Variants in DDX25 observed in about 807,000 individuals in gnomAD.
The protein encoded by DDX25 is DEAD-box helicase 25, also known as ATP-dependent RNA helicase DDX25.
DDX25 carries 70 observed loss-of-function variants against 64.6 expected under a neutral mutation model. That is an observed-to-expected ratio of 1.08 (90% confidence interval 0.89 to 1.32). DDX25 has a LOEUF of 1.32. DDX25 is among the 40% of genes most tolerant of loss of function. The probability of loss-of-function intolerance (pLI) is 0.00; values close to 1 mark genes in which losing one functional copy is unlikely to be tolerated. For synonymous variants in DDX25, 211 were observed against 213.3 expected, an observed-to-expected ratio of 0.99 and a Z score of 0.09; for missense variants, 587 against 604.4, an observed-to-expected ratio of 0.97 and a Z score of 0.30.
intron 4 of DDX25, 48 bp from the exon 5 acceptor site, chr11:125,908,148 C>T: frequency 6.8e-7 from 1 of 1,467,288 alleles, no homozygotes; most frequent in Non-Finnish European, 9.3e-7. Context: ...ATTTCTGATG[C>T]TACTGACCAA....
In DDX25 at chr11:125,917,055, C is replaced by A; in HGVS notation, c.842C>A (p.Thr281Asn). The change falls in exon 9 of 12, where the codon ACC (threonine) becomes AAC (asparagine). Residue 281 changes from threonine (T) to asparagine (N), a missense_variant. By Grantham distance (65) the Thr-to-Asn change is moderately conservative. Coordinates refer to ENST00000263576, the MANE Select transcript of DDX25 (RefSeq NM_013264.5). ...SECQMLLFSA[T>N]FEDSVWHFAE... ...TGCCAAATGCTCCTCTTTTCAGCAA[C>A]CTTTGAGGACTCTGTGTGGCACTTT... 1.2e-6 allele frequency: 2 copies of A among 1,608,140 alleles called. No individual in the cohort carries two copies. Among genetic ancestry groups the A allele is most frequent in the Non-Finnish European group, 1.7e-6 (2 of 1,177,614 alleles).
At chr11:125,913,223 C>T (rs1422707622) in intron 8 of DDX25, among the ~76,000 whole-genome samples, 5 of 151,746 alleles carry the variant, frequency 3.3e-5, no homozygotes, top group Admixed American at 3.3e-4. Flanking sequence ...TCCCTCTCTC[C>T]AGCTTCAGTC....
intron 8 of DDX25, among the ~76,000 whole-genome samples, chr11:125,914,339 T>C (rs1466337039): frequency 6.6e-6 from 1 of 152,204 alleles, no homozygotes; most frequent in Non-Finnish European, 1.5e-5. Flanking sequence ...TCTGTTCTCT[T>C]TTCTGGGGGA....
chr11:125,917,036 A>G lies in DDX25; in HGVS notation c.823A>G (p.Met275Val). 6.2e-7 allele frequency: 1 copy of G among 1,602,056 alleles called. No individual in the cohort carries two copies. The highest frequency in any genetic ancestry group is 1.3e-5 in the African/African-American group (1 of 74,916). The stretch of plus-strand genomic sequence containing the variant: ...CAGAGCTCTACCCTCCGAATGCCAA[A>G]TGCTCCTCTTTTCAGCAACCTTTGA... ...IQRALPSECQ[M>V]LLFSATFEDS... The change falls in exon 9 of 12, where the codon ATG (methionine) becomes GTG (valine). Residue 275 changes from methionine to valine, a missense_variant. Physicochemically the swap from Met to Val is conservative, Grantham distance 21. Coordinates refer to ENST00000263576, the MANE Select transcript of DDX25 (RefSeq NM_013264.5).
Position 125,911,384 on chromosome 11 carries a change from A to G in DDX25, c.696A>G (p.Lys232=), listed in dbSNP as rs1944966649. The G allele has an allele frequency of 6.2e-7, 1 of 1,613,890 alleles. No individual in the cohort carries two copies. The highest frequency in any genetic ancestry group is 8.5e-7 in the Non-Finnish European group (1 of 1,179,842). The part of the protein sequence containing the change: ...TPGTVLDWCF[K]LKLIDLTKIR... ...GGACTGTCCTAGATTGGTGTTTTAAACTAAAATTGATTGATTTGACTAAGA... is the reference window on the plus strand; with the variant it reads ...GGACTGTCCTAGATTGGTGTTTTAAGCTAAAATTGATTGATTTGACTAAGA... The change falls in exon 8 of 12, where the codon AAA becomes AAG. Residue 232 remains lysine (K), a synonymous_variant. Coordinates refer to ENST00000263576, the MANE Select transcript of DDX25 (RefSeq NM_013264.5).
In DDX25 at chr11:125,921,484, C is replaced by T; in HGVS notation, c.1390+105C>T. ...CAGGGGCTCATGAGAGTAGTAGAAG[C>T]AGAATGCATGAGCTGGAAGGCTTCT... On this transcript the variant is annotated intron_variant, in intron 11 of 11. Coordinates refer to ENST00000263576, the MANE Select transcript of DDX25 (RefSeq NM_013264.5). This position sits in a 1 kb window ranked among gnomAD's most constrained non-coding sequence, Gnocchi z 4.1. The T allele has an allele frequency of 1.5e-6, 2 of 1,314,316 alleles. No homozygotes were observed. Among genetic ancestry groups the T allele is most frequent in the South Asian group, 3.1e-5 (2 of 64,048 alleles). 81.4% of individuals were successfully genotyped at this position (1,314,316 alleles called of 1,614,324 possible). A position where few individuals can be genotyped will look rare whatever the true frequency, so the allele number is the denominator to read the frequency against.
intron 8 of DDX25, 26 bp downstream of exon 8, chr11:125,911,514 C>T: frequency 6.2e-7 from 1 of 1,604,234 alleles, no homozygotes; most frequent in Non-Finnish European, 8.5e-7. Context: ...TTCCTCTCTT[C>T]CTCAGCCTTC....
chr11:125,904,545 G>C lies in DDX25; in HGVS notation c.28G>C (p.Ala10Pro), dbSNP rs1172035093. 3 of 1,498,316 alleles carry C rather than the reference G, an allele frequency of 2.0e-6. No homozygotes were observed. Among genetic ancestry groups the C allele is most frequent in the Non-Finnish European group, 1.8e-6 (2 of 1,124,172 alleles). The allele number at this position is 1,498,316 out of a possible 1,614,324, so 92.8% of individuals were successfully genotyped here. A position where few individuals can be genotyped will look rare whatever the true frequency, so the allele number is the denominator to read the frequency against. The change falls in exon 1 of 12, where the codon GCA (alanine) becomes CCA (proline). Residue 10 changes from alanine to proline, a missense_variant. Ala to Pro is a conservative substitution (Grantham distance 27, BLOSUM62 -1). Transcript: ENST00000263576. ...GGCGTCGTTACTGTGGGGAGGCGAC[G>C]CAGGGGCGGCGGAGAGCGAGCGGCT... is the stretch of plus-strand genomic sequence containing the variant. MASLLWGGD[A>P]GAAESERLNS... is the part of the protein sequence containing the mutation.
At position 125,904,521 on chromosome 11, in the gene DDX25, G is replaced by A; in HGVS notation, c.4G>A (p.Ala2Thr). 3 of 1,490,104 alleles carry A rather than the reference G, an allele frequency of 2.0e-6. No individual in the cohort carries two copies. The highest frequency in any genetic ancestry group is 1.8e-6 in the Non-Finnish European group (2 of 1,120,624). The allele number at this position is 1,490,104 out of a possible 1,614,324, so 92.3% of individuals were successfully genotyped here. Residue 2 changes from alanine (A) to threonine (T), a missense_variant, in exon 1 of 12, where the codon GCG becomes ACG. By Grantham distance (58) the Ala-to-Thr change is moderately conservative (BLOSUM62 0). Transcript: ENST00000263576. ...GGCGGGAGCAGCAATCGCAGCCATG[G>A]CGTCGTTACTGTGGGGAGGCGACGC... M[A>T]SLLWGGDAGA...
chr11:125,925,215 G>A lies in DDX25; in HGVS notation c.*2334G>A, dbSNP rs923234861. On this transcript the variant is annotated 3_prime_UTR_variant, in exon 12 of 12. Coordinates refer to ENST00000263576, the MANE Select transcript of DDX25 (RefSeq NM_013264.5). ...TAAAACTTTACCACTTTCCTTTACA[G>A]TTCAAATCTCTGGTAAGATCTCCGC... 12 of 351,056 alleles carry A rather than the reference G, an allele frequency of 3.4e-5. No individual in the cohort carries two copies. The highest frequency in any genetic ancestry group is 2.4e-4 in the African/African-American group (11 of 46,756). 21.7% of individuals were successfully genotyped at this position (351,056 alleles called of 1,614,324 possible).
At chr11:125,920,439 A>G (rs922108556) in intron 10 of DDX25, among the ~76,000 whole-genome samples, 6 of 150,692 alleles carry the variant, frequency 4.0e-5, no homozygotes, top group Non-Finnish European at 7.4e-5. Flanking sequence ...TCCATCTCAA[A>G]AAAAAAAAAG....
intron 4 of DDX25, among the ~76,000 whole-genome samples, chr11:125,906,699 A>G (rs943442030): frequency 5.3e-5 from 8 of 151,100 alleles, no homozygotes; most frequent in South Asian, 4.2e-4. Context: ...GGTGGCGCGC[A>G]CCTGTAATCC....
rs1945114804 is a variant in DDX25, at chr11:125,921,459, C to T, written c.1390+80C>T. 3 of 1,494,656 alleles carry T rather than the reference C, an allele frequency of 2.0e-6. No individual in the cohort carries two copies. The highest frequency in any genetic ancestry group is 2.7e-6 in the Non-Finnish European group (3 of 1,112,970). 92.6% of individuals were successfully genotyped at this position (1,494,656 alleles called of 1,614,324 possible). A position where few individuals can be genotyped will look rare whatever the true frequency, so the allele number is the denominator to read the frequency against. On this transcript the variant is annotated intron_variant, in intron 11 of 11. Transcript: ENST00000263576. The surrounding 1 kb of genome is among the most constrained non-coding windows in gnomAD (Gnocchi z 4.1). ...TGATGTGTGCTGGAGAGCTGGAGTC[C>T]AGGGGCTCATGAGAGTAGTAGAAGC...
chr11:125,904,507 C>T (rs1490480280), upstream of DDX25: 1 of 1,482,998 alleles, frequency 6.7e-7, no homozygotes, highest in African/African-American at 1.4e-5. Flanking sequence ...GCGGGAGCAG[C>T]AATCGCAGCC....
At chr11:125,918,829 T>C in intron 10 of DDX25, 39 bp downstream of exon 10, 2 of 1,527,848 alleles carry the variant, frequency 1.3e-6, no homozygotes, top group Non-Finnish European at 1.8e-6. Context: ...CTAATTTGCA[T>C]ATGATAAAAT....
At chr11:125,907,216 C>G (rs2134273543) in intron 4 of DDX25, among the ~76,000 whole-genome samples, 1 of 152,244 alleles carries the variant, frequency 6.6e-6, no homozygotes. Context: ...ATCCTAGTTC[C>G]CAGACATTTT....
chr11:125,905,497 A>C, intron 2 of DDX25, 56 bp from the exon 3 acceptor site: 1 of 1,512,836 alleles, frequency 6.6e-7, no homozygotes, highest in Non-Finnish European at 9.0e-7. Context: ...AGCATGCTTT[A>C]CATTTGTGCT....
At position 125,917,166 on chromosome 11, in the gene DDX25, T is replaced by C. The variant is rs1337752883; in HGVS notation, c.953T>C (p.Leu318Pro). The part of the protein sequence containing the change: ...TLNNIRQYYV[L>P]CEHRKDKYQA... Reference sequence around the variant, plus strand: ...AACAACATCCGGCAATATTACGTGCTGTGTGAGCACAGGAAAGACAAATAC... The same window carrying C: ...AACAACATCCGGCAATATTACGTGCCGTGTGAGCACAGGAAAGACAAATAC... The change falls in exon 9 of 12, where the codon CTG (leucine) becomes CCG (proline). Residue 318 changes from leucine (L) to proline (P), a missense_variant. Physicochemically the swap from Leu to Pro is moderately conservative, Grantham distance 98. Transcript: ENST00000263576. The C allele has an allele frequency of 3.7e-6, 6 of 1,611,540 alleles. No individual in the cohort carries two copies. Among genetic ancestry groups the C allele is most frequent in the Non-Finnish European group, 5.1e-6 (6 of 1,179,000 alleles).
rs1944850151 is a variant in DDX25 at position 125,904,586 on chromosome 11, C to A, written c.63+6C>A. On this transcript the variant is annotated splice_donor_region_variant and intron_variant, in intron 1 of 11. Coordinates refer to ENST00000263576, the MANE Select transcript of DDX25 (RefSeq NM_013264.5). ...GCGAGCGGCTGAACAGCCACGTAAC[C>A]GCCACCGAGCCGGGGGGCCACAGCC... 2 of 1,480,744 alleles carry A rather than the reference C, an allele frequency of 1.4e-6. No homozygotes were observed. The highest frequency in any genetic ancestry group is 1.4e-5 in the African/African-American group (1 of 70,738). 91.7% of individuals were successfully genotyped at this position (1,480,744 alleles called of 1,614,324 possible).
Sources: allele counts gnomAD v4.1 joint callset (sites outside exome capture counted in the v4.1 genomes callset), GRCh38; gene constraint gnomAD v4.1.1; non-coding constraint Gnocchi (gnomAD v3.1); transcripts MANE v1.5; gene names NCBI Gene and HGNC (gene_info 2026-07-23, HGNC 2026-07-21).